Variants in SLC15A1 observed in about 807,000 individuals in gnomAD.
SLC15A1 encodes solute carrier family 15 member 1, also known as Caco-2 oligopeptide transporter.
A neutral mutation model predicts 92.9 loss-of-function variants in SLC15A1; 83 were observed. That is an observed-to-expected ratio of 0.89 (90% CI 0.75 to 1.07). The LOEUF is 1.07. SLC15A1 is among the 50% of genes least tolerant of loss of function. The pLI is 0.00. For missense variants in SLC15A1, 857 were observed against 880.1 expected (o/e 0.97, Z 0.33); for synonymous variants, 322 against 318.2 (o/e 1.01, Z -0.13).
chr13:98,724,557 C>A (rs574560430), intron 4 of SLC15A1, among the ~76,000 whole-genome samples: 1 of 152,134 alleles, frequency 6.6e-6, no homozygotes, highest in African/African-American at 2.4e-5. Flanking sequence ...GGGAAAGATC[C>A]GCCTCCTGGG....
chr13:98,737,060 A>G (rs1157196693), intron 1 of SLC15A1, among the ~76,000 whole-genome samples: 4 of 152,260 alleles, frequency 2.6e-5, no homozygotes, highest in Non-Finnish European at 4.4e-5. Context: ...TTATTGTGGC[A>G]CTATTCACAA....
chr13:98,739,796 T>C lies in SLC15A1; in HGVS notation c.4+12799A>G, dbSNP rs1021485706. 9.2e-5 allele frequency among the ~76,000 whole-genome samples: 14 copies of C among 152,192 alleles called. 1 individual carries two copies. The highest frequency in any genetic ancestry group is 7.2e-4 in the Admixed American group (11 of 15,276). ...CACAATCTACCACTTTCTCTGAAAG[T>C]TAGTTAATAAGATTGAATCTACAAT... On this transcript the variant is annotated intron_variant, in intron 1 of 22. Coordinates refer to ENST00000376503, the MANE Select transcript of SLC15A1 (RefSeq NM_005073.4).
chr13:98,685,709 C>T (rs2087923331), intron 22 of SLC15A1, among the ~76,000 whole-genome samples: 1 of 152,182 alleles, frequency 6.6e-6, no homozygotes, highest in South Asian at 2.1e-4. Context: ...GAAGAATCAT[C>T]AGGCCAGGTG....
Position 98,711,927 on chromosome 13 carries a change from T to TG in SLC15A1, c.826dup (p.Gln276ProfsTer3). The TG allele has an allele frequency of 6.2e-7, 1 of 1,612,520 alleles. No homozygotes were observed. The highest frequency in any genetic ancestry group is 1.3e-5 in the African/African-American group (1 of 74,964). On this transcript the variant is annotated frameshift_variant, in exon 11 of 23. Transcript: ENST00000376503. LOFTEE classifies it high-confidence loss of function. ...CATCACCCTCGTAACCATCTTAATT[T>TG]GGGAGATGAGCCGCTCCTGTAGTTG...
chr13:98,728,129 C>G (rs2088318041), intron 1 of SLC15A1, among the ~76,000 whole-genome samples: 1 of 152,126 alleles, frequency 6.6e-6, no homozygotes, highest in Admixed American at 6.5e-5. Flanking sequence ...TGTTCTTTTC[C>G]CAGTGTTTGT....
chr13:98,722,786 T>C (rs1302895832), intron 5 of SLC15A1, among the ~76,000 whole-genome samples: 3 of 152,210 alleles, frequency 2.0e-5, no homozygotes, highest in Admixed American at 2.0e-4. Context: ...ATCTAAGCAT[T>C]TTAAAAGACA....
At chr13:98,691,864 G>T (rs558832574) in intron 18 of SLC15A1, among the ~76,000 whole-genome samples, 2 of 151,958 alleles carry the variant, frequency 1.3e-5, no homozygotes, top group African/African-American at 2.4e-5. Flanking sequence ...ATCTGAGGTC[G>T]GAAGTTTGAG....
intron 3 of SLC15A1, 27 bp from the exon 4 acceptor site, chr13:98,726,291 AG>A: frequency 3.7e-6 from 6 of 1,613,678 alleles, no homozygotes; most frequent in Non-Finnish European, 5.1e-6. Context: ...GTGGAAGAGG[AG>A]GGGGAAACAA....
At chr13:98,706,875 G>T (rs1356256318) in intron 15 of SLC15A1, among the ~76,000 whole-genome samples, 1 of 152,142 alleles carries the variant, frequency 6.6e-6, no homozygotes, top group African/African-American at 2.4e-5. Flanking sequence ...GGGCTGCCAA[G>T]ATACGAAGCC....
Position 98,686,060 on chromosome 13 carries a change from G to T in SLC15A1, c.1935+130C>A, listed in dbSNP as rs111466689. On this transcript the variant is annotated intron_variant, in intron 22 of 22. Coordinates refer to ENST00000376503, the MANE Select transcript of SLC15A1 (RefSeq NM_005073.4). ...AGGCTATTTGGGAACAGCCCTGGCT[G>T]GTCTGGCAGTTTAATCCAGCTATTA... 2.5e-3 allele frequency: 1,675 copies of T among 680,274 alleles called. 22 individuals carry two copies. In the African/African-American group the frequency reaches 0.027, roughly 11 times the overall value. 42.1% of individuals were successfully genotyped at this position (680,274 alleles called of 1,614,324 possible). A position where few individuals can be genotyped will look rare whatever the true frequency, so the allele number is the denominator to read the frequency against.
In SLC15A1 at chr13:98,692,136, C is replaced by CTTTTTTTTTTT. The variant is rs528865683; in HGVS notation, c.1467-3570_1467-3560dup. Among the ~76,000 whole-genome samples, 18 of 67,638 alleles carry CTTTTTTTTTTT rather than the reference C, an allele frequency of 2.7e-4. 1 individual carries two copies. The highest frequency in any genetic ancestry group is 7.0e-4 in the Admixed American group (3 of 4,276). The allele number at this position is 67,638 out of a possible 152,430, so 44.4% of individuals were successfully genotyped here. On this transcript the variant is annotated intron_variant, in intron 18 of 22. Transcript: ENST00000376503. Reference sequence around the variant, plus strand: ...AGGAGTCCCCCTCTCTTCTCCTAAACTTTTTTTTTTTTTTTTTTTTTTTTT... The same window carrying CTTTTTTTTTTT: ...AGGAGTCCCCCTCTCTTCTCCTAAACTTTTTTTTTTTTTTTTTTTTTTTTTTTTTTTTTTTT...
At chr13:98,703,168 G>A (rs923080600) in intron 17 of SLC15A1, among the ~76,000 whole-genome samples, 7 of 132,610 alleles carry the variant, frequency 5.3e-5, no homozygotes, top group African/African-American at 1.9e-4. Flanking sequence ...ACGGACAGAA[G>A]GAAGGAAGGA....
chr13:98,752,527 G>T, intron 1 of SLC15A1, 68 bp downstream of exon 1: 1 of 1,252,834 alleles, frequency 8.0e-7, no homozygotes, highest in Non-Finnish European at 1.0e-6. Flanking sequence ...CCCGGCCCTC[G>T]GTGCCGGCCC....
chr13:98,751,071 A>G (rs958513446), intron 1 of SLC15A1, among the ~76,000 whole-genome samples: 18 of 152,226 alleles, frequency 1.2e-4, no homozygotes, highest in Admixed American at 1.2e-3. Flanking sequence ...TGTTCTTAAG[A>G]GAAGTTACTA....
At chr13:98,734,998 C>G (rs1310669384) in intron 1 of SLC15A1, among the ~76,000 whole-genome samples, 1 of 152,166 alleles carries the variant, frequency 6.6e-6, no homozygotes, top group Non-Finnish European at 1.5e-5. Context: ...CCAGCATCAT[C>G]CTGATACCAA....
At chr13:98,706,000 T>G in intron 16 of SLC15A1, 134 bp downstream of exon 16, 322 of 866,388 alleles carry the variant, frequency 3.7e-4, no homozygotes, top group East Asian at 9.5e-4. Flanking sequence ...ATAGCCAACA[T>G]GAGATCAAGA....
chr13:98,748,508 T>C (rs1213276978), intron 1 of SLC15A1, among the ~76,000 whole-genome samples: 2 of 152,182 alleles, frequency 1.3e-5, no homozygotes, highest in African/African-American at 4.8e-5. Flanking sequence ...TTGCGCAGAC[T>C]GATTTCAAAC....
At chr13:98,725,869 G>T (rs1402196837) in intron 4 of SLC15A1, among the ~76,000 whole-genome samples, 2 of 152,146 alleles carry the variant, frequency 1.3e-5, no homozygotes, top group African/African-American at 4.8e-5. Flanking sequence ...GGGGCCACAG[G>T]TGTATGCCAC....
At chr13:98,727,129 T>C (rs1324655951) in intron 1 of SLC15A1, among the ~76,000 whole-genome samples, 1 of 152,168 alleles carries the variant, frequency 6.6e-6, no homozygotes, top group Non-Finnish European at 1.5e-5. Context: ...CCTAAACCAT[T>C]TCCTCCTGAA....
Sources: gnomAD v4.1 joint callset for allele counts (sites outside exome capture counted in the v4.1 genomes callset) on GRCh38, gnomAD v4.1.1 for gene constraint, MANE v1.5 for transcripts, NCBI Gene and HGNC (gene_info 2026-07-23, HGNC 2026-07-21) for gene names.